Variants in COPA observed in about 807,000 individuals in gnomAD.
COPA encodes the protein coatomer subunit alpha.
COPA carries 10 observed loss-of-function variants against 158.7 expected under a neutral mutation model. The ratio of observed to expected loss-of-function variants is 0.06; its 90% CI spans 0.04 to 0.11. The LOEUF (loss-of-function observed/expected upper bound fraction) is 0.11, where lower values mean the gene tolerates loss of function less well. COPA is among the 10% of genes least tolerant of loss of function. The pLI is 1.00. For missense variants in COPA, 1,065 were observed against 1,536.7 expected (o/e 0.69, Z 5.13); for synonymous variants, 462 against 542.8 (o/e 0.85, Z 2.07).
intron 17 of COPA, among the ~76,000 whole-genome samples, chr1:160,300,698 A>G (rs1478981420): frequency 1.3e-5 from 2 of 152,242 alleles, no homozygotes; most frequent in Non-Finnish European, 2.9e-5. Context: ...ATTACAGGTA[A>G]TCTCACTTAT....
intron 30 of COPA, 58 bp from the exon 31 acceptor site, chr1:160,291,554 T>G: frequency 6.3e-7 from 1 of 1,577,784 alleles, no homozygotes; most frequent in East Asian, 2.3e-5. Context: ...TAGAAGTCAT[T>G]TCTAAGCTGC....
rs542301484 is a variant in COPA, at chr1:160,291,094, G to A, written c.3420+241C>T. Reference sequence around the variant, plus strand: ...GACAGGACTGGGGTTACTTTCAGCTGCAGTGGAGCTATTCTAGGTTGCACG... The same window carrying A: ...GACAGGACTGGGGTTACTTTCAGCTACAGTGGAGCTATTCTAGGTTGCACG... On this transcript the variant is annotated intron_variant, in intron 31 of 32. Transcript: ENST00000241704. Among the ~76,000 whole-genome samples the A allele has an allele frequency of 7.9e-5, 12 of 152,300 alleles. No individual in the cohort carries two copies. In the East Asian group the frequency reaches 1.7e-3, roughly 22 times the overall value.
At chr1:160,292,690 T>A in intron 27 of COPA, 70 bp from the exon 28 acceptor site, 2 of 1,314,296 alleles carry the variant, frequency 1.5e-6, no homozygotes, top group Non-Finnish European at 2.1e-6. Context: ...TTGGGCAAGG[T>A]AATTAATTTC....
chr1:160,325,666 A>C lies in COPA; in HGVS notation c.497-14T>G, dbSNP rs758856725. ...TTTTCCTCAGACCTTTGAAGGGATA[A>C]GGAGTGGGATGAAAGATGTAAACAT... On this transcript the variant is annotated splice_polypyrimidine_tract_variant and intron_variant, in intron 6 of 32. Transcript: ENST00000241704. 5.0e-6 allele frequency: 8 copies of C among 1,588,718 alleles called. No homozygotes were observed. The highest frequency in any genetic ancestry group is 6.9e-6 in the Non-Finnish European group (8 of 1,156,888).
intron 6 of COPA, among the ~76,000 whole-genome samples, chr1:160,330,716 AT>A (rs1647472593): frequency 6.6e-6 from 1 of 152,222 alleles, no homozygotes; most frequent in South Asian, 2.1e-4. Context: ...GGGAATAGTT[AT>A]CACCTCAGCT....
intron 21 of COPA, 82 bp from the exon 22 acceptor site, chr1:160,296,231 C>T (rs1658407546): frequency 1.7e-6 from 2 of 1,163,396 alleles, no homozygotes; most frequent in African/African-American, 1.5e-5. Context: ...AATGGCCCCC[C>T]AGTAATCCCT....
At chr1:160,333,498 C>T (rs34512008) in intron 5 of COPA, 105 bp downstream of exon 5, 12,798 of 757,832 alleles carry the variant, frequency 0.017, 453 homozygotes, top group African/African-American at 0.12. Flanking sequence ...ATTAATCAGC[C>T]GACATAGTCC....
rs1466491516 is a variant in COPA, at chr1:160,289,233, G to A, written c.*924C>T. ...ACTTTGGTGGGGTGCCTGCATGGGT[G>A]AACAAGAACATGAGAGTGTCCAAGA... On this transcript the variant is annotated 3_prime_UTR_variant, in exon 33 of 33. Coordinates refer to ENST00000241704, the MANE Select transcript of COPA (RefSeq NM_004371.4). 6.6e-6 allele frequency: 1 copy of A among 151,940 alleles called. No homozygotes were observed. Among genetic ancestry groups the A allele is most frequent in the Non-Finnish European group, 1.5e-5 (1 of 68,006 alleles). 9.4% of individuals were successfully genotyped at this position (151,940 alleles called of 1,614,324 possible). A position where few individuals can be genotyped will look rare whatever the true frequency, so the allele number is the denominator to read the frequency against.
intron 5 of COPA, 111 bp from the exon 6 acceptor site, chr1:160,332,668 G>C (rs1253727170): frequency 3.0e-6 from 2 of 657,790 alleles, no homozygotes; most frequent in Non-Finnish European, 4.9e-6. Context: ...TACTTTTATG[G>C]AGACAAAGGC....
intron 2 of COPA, 57 bp from the exon 3 acceptor site, chr1:160,340,039 G>A: frequency 1.3e-6 from 2 of 1,582,126 alleles, no homozygotes; most frequent in Non-Finnish European, 1.7e-6. Flanking sequence ...TAATCTCTAA[G>A]GTGATTCCTA....
In COPA at chr1:160,325,434, T is replaced by C. The variant is rs1659459330; in HGVS notation, c.606+109A>G. ...AGTACCTCAAACAGTGCCTGGCACT[T>C]AATAAGCACTCTGTAAATATTTGTT... On this transcript the variant is annotated intron_variant, in intron 7 of 32. Transcript: ENST00000241704. 4.3e-6 allele frequency: 4 copies of C among 940,216 alleles called. No individual in the cohort carries two copies. In the South Asian group the frequency reaches 5.6e-5, roughly 13 times the overall value. 58.2% of individuals were successfully genotyped at this position (940,216 alleles called of 1,614,324 possible). A position where few individuals can be genotyped will look rare whatever the true frequency, so the allele number is the denominator to read the frequency against.
intron 8 of COPA, among the ~76,000 whole-genome samples, chr1:160,317,038 T>C (rs1659169586): frequency 6.6e-6 from 1 of 152,142 alleles, no homozygotes; most frequent in Non-Finnish European, 1.5e-5. Context: ...TGGCAATAGA[T>C]GTTTCAATGC....
chr1:160,341,310 T>C (rs935679993), intron 1 of COPA, among the ~76,000 whole-genome samples: 6 of 152,224 alleles, frequency 3.9e-5, no homozygotes, highest in African/African-American at 1.4e-4. Flanking sequence ...GCAAACTTCT[T>C]CCTCACTTAA....
chr1:160,320,792 TAAAAAAAAAAAAAAA>T (rs143294298), intron 8 of COPA, among the ~76,000 whole-genome samples: 1 of 89,244 alleles, frequency 1.1e-5, no homozygotes, highest in African/African-American at 4.0e-5. Flanking sequence ...TTCAAACTCT[TAAAAAAAAAAAAAAA>T]AAAAAAAAAG....
chr1:160,302,884 T>C (rs923141958), intron 17 of COPA, among the ~76,000 whole-genome samples: 5 of 152,058 alleles, frequency 3.3e-5, no homozygotes, highest in African/African-American at 4.8e-5. Flanking sequence ...TAAAAACTTA[T>C]ATGAAGGGCC....
At position 160,305,472 on chromosome 1, in the gene COPA, T is replaced by C. The variant is rs145564896; in HGVS notation, c.1628A>G (p.Tyr543Cys). Residue 543 changes from tyrosine to cysteine, a missense_variant, in exon 17 of 33, where the codon TAT becomes TGT. Around this residue, in one of 2 missense-constraint regions of COPA, gnomAD observed 980 missense variants for 1,357.8 expected, o/e 0.72. Transcript: ENST00000241704. ...GAWDESGVFI[Y>C]TTSNHIKYAV... Reference sequence around the variant, plus strand: ...ATATTTGATGTGGTTGCTTGTGGTATAGATAAATACCCCACTCTCATCCCA... The same window carrying C: ...ATATTTGATGTGGTTGCTTGTGGTACAGATAAATACCCCACTCTCATCCCA... 1.2e-6 allele frequency: 2 copies of C among 1,614,224 alleles called. No individual in the cohort carries two copies. The highest frequency in any genetic ancestry group is 1.7e-6 in the Non-Finnish European group (2 of 1,180,036).
intron 3 of COPA, among the ~76,000 whole-genome samples, chr1:160,338,423 A>G (rs1647876522): frequency 6.6e-6 from 1 of 152,218 alleles, no homozygotes; most frequent in Admixed American, 6.5e-5. Flanking sequence ...CACAATATAT[A>G]ACTTCTTGAA....
chr1:160,332,027 G>A (rs936664072), intron 6 of COPA, among the ~76,000 whole-genome samples: 4 of 151,966 alleles, frequency 2.6e-5, no homozygotes, highest in Non-Finnish European at 5.9e-5. Context: ...TAGAAGAAAC[G>A]TAATAGAGAG....
At chr1:160,306,519 TAAGAG>T in intron 14 of COPA, 26 bp from the exon 15 acceptor site, 2 of 1,613,832 alleles carry the variant, frequency 1.2e-6, no homozygotes, top group Admixed American at 3.3e-5. Flanking sequence ...AAGATGGGGT[TAAGAG>T]AAGAAATGTG....
Sources: gnomAD v4.1 joint callset for allele counts (sites outside exome capture counted in the v4.1 genomes callset) on GRCh38, gnomAD v4.1.1 for gene constraint, gnomAD v4.1.1 regional missense constraint, MANE v1.5 for transcripts, NCBI Gene and HGNC (gene_info 2026-07-23, HGNC 2026-07-21) for gene names.